Variants in ENTHD1 observed in about 807,000 individuals in gnomAD.
The protein encoded by ENTHD1 is ENTH domain containing 1.
In ENTHD1, 23 loss-of-function variants were observed where a neutral mutation model predicts 39.1. The observed-to-expected ratio is 0.59, with a 90% CI of 0.42 to 0.83. The LOEUF is 0.83. Ranked by LOEUF, ENTHD1 falls within the 40% of genes least tolerant of loss-of-function variation. The probability of loss-of-function intolerance (pLI) is 0.00; values close to 1 mark genes in which losing one functional copy is unlikely to be tolerated. For synonymous variants in ENTHD1, 230 were observed against 258.2 expected (o/e 0.89, Z 1.05); for missense variants, 624 against 705.4 (o/e 0.88, Z 1.31).
chr22:39,842,508 C>A (rs1446672881), intron 3 of ENTHD1, among the ~76,000 whole-genome samples: 1 of 152,168 alleles, frequency 6.6e-6, no homozygotes, highest in Non-Finnish European at 1.5e-5. Flanking sequence ...TGCTGATACC[C>A]TTTCTTCCAG....
At chr22:39,817,221 G>A (rs1398391829) in intron 5 of ENTHD1, among the ~76,000 whole-genome samples, 1 of 152,092 alleles carries the variant, frequency 6.6e-6, no homozygotes, top group African/African-American at 2.4e-5. Context: ...CGATGAAAAT[G>A]GGCACAAATT....
At chr22:39,815,218 G>C (rs918363441) in intron 5 of ENTHD1, among the ~76,000 whole-genome samples, 1 of 152,128 alleles carries the variant, frequency 6.6e-6, no homozygotes, top group African/African-American at 2.4e-5. Context: ...TGAGGTGGGT[G>C]GATCACCTGA....
intron 4 of ENTHD1, 99 bp downstream of exon 4, chr22:39,835,741 G>T: frequency 1.3e-6 from 1 of 772,716 alleles, no homozygotes. Flanking sequence ...TGAGCCCTGG[G>T]TCAGGCTTCT....
intron 2 of ENTHD1, among the ~76,000 whole-genome samples, chr22:39,877,072 C>T (rs934261438): frequency 3.3e-5 from 5 of 152,148 alleles, no homozygotes; most frequent in African/African-American, 7.2e-5. Context: ...AGATTCAGGA[C>T]GATCACTTGG....
chr22:39,748,366 C>T (rs1192899329), intron 6 of ENTHD1, among the ~76,000 whole-genome samples: 1 of 150,844 alleles, frequency 6.6e-6, no homozygotes, highest in Non-Finnish European at 1.5e-5. Context: ...TAATAAGAAA[C>T]ATTTTAAGTA....
intron 6 of ENTHD1, among the ~76,000 whole-genome samples, chr22:39,744,561 A>G (rs1391147142): frequency 6.6e-6 from 1 of 152,206 alleles, no homozygotes; most frequent in Non-Finnish European, 1.5e-5. Context: ...AACCCTGCCC[A>G]ACATATTTTT....
At chr22:39,765,667 C>A (rs2065270919) in intron 5 of ENTHD1, 58 bp from the exon 6 acceptor site, 1 of 1,434,964 alleles carries the variant, frequency 7.0e-7, no homozygotes, top group South Asian at 1.4e-5. Context: ...TACTCTATTT[C>A]AAATCTGTTA....
chr22:39,861,926 G>C lies in ENTHD1; in HGVS notation c.431C>G (p.Ala144Gly), dbSNP rs755714105. ...GGAGGTACGCTGTCTAGTCCGACAT[G>C]CCACTTCCCTCTCTTTACACAGCAA... ...EPLLCKEREV[A>G]CRTRQRTSHS... Residue 144 changes from alanine (A) to glycine (G), a missense_variant, in exon 3 of 7, where the codon GCA becomes GGA. Ala to Gly is a moderately conservative substitution (Grantham distance 60). Transcript: ENST00000325157. The C allele has an allele frequency of 2.0e-5, 32 of 1,599,084 alleles. No individual in the cohort carries two copies. The highest frequency in any genetic ancestry group is 2.6e-5 in the Non-Finnish European group (31 of 1,170,048).
chr22:39,765,176 T>TTGTG lies in ENTHD1; in HGVS notation c.1219+43_1219+46dup, dbSNP rs71326782. 7,562 of 1,400,508 alleles carry TTGTG rather than the reference T, an allele frequency of 5.4e-3. 36 individuals are homozygous for TTGTG. Among genetic ancestry groups the TTGTG allele is most frequent in the African/African-American group, 0.029 (1,945 of 67,260 alleles). The allele number at this position is 1,400,508 out of a possible 1,614,324, so 86.8% of individuals were successfully genotyped here. ...ATAATGCTTCAAAAGAGGTTTTTTG[T>TTGTG]TGTGTGTGTGTGTGTGTGTGTGTGT... On this transcript the variant is annotated intron_variant, in intron 6 of 6. Coordinates refer to ENST00000325157, the MANE Select transcript of ENTHD1 (RefSeq NM_152512.4).
At chr22:39,875,935 T>A in intron 2 of ENTHD1, 9 of 1,613,934 alleles carry the variant, frequency 5.6e-6, no homozygotes, top group Non-Finnish European at 7.6e-6. Context: ...TCCTGATAGG[T>A]GTTTGCACTC....
chr22:39,759,319 T>C (rs748888965), intron 6 of ENTHD1, among the ~76,000 whole-genome samples: 1 of 152,140 alleles, frequency 6.6e-6, no homozygotes, highest in African/African-American at 2.4e-5. Flanking sequence ...CCCAGCTTAT[T>C]TGACGAACAC....
Position 39,840,961 on chromosome 22 carries a change from C to T in ENTHD1, c.593-5003G>A, listed in dbSNP as rs372704861. On this transcript the variant is annotated intron_variant, in intron 3 of 6. Transcript: ENST00000325157. Reference sequence around the variant, plus strand: ...TAGAGACAGGGTTTCACCGTGGTCTCGATCTGCTGTCCTCGTGATCCACCC... The same window carrying T: ...TAGAGACAGGGTTTCACCGTGGTCTTGATCTGCTGTCCTCGTGATCCACCC... Among the ~76,000 whole-genome samples, 69 of 152,228 alleles carry T rather than the reference C, an allele frequency of 4.5e-4. No individual in the cohort carries two copies. The East Asian group carries it at 0.012, about 27-fold the overall frequency.
chr22:39,855,597 A>T (rs1448476290), intron 3 of ENTHD1, among the ~76,000 whole-genome samples: 3 of 152,026 alleles, frequency 2.0e-5, no homozygotes, highest in Non-Finnish European at 2.9e-5. Flanking sequence ...GTTAAAAAAA[A>T]AAAAAAGAAG....
intron 2 of ENTHD1, among the ~76,000 whole-genome samples, chr22:39,873,525 G>T (rs953507630): frequency 1.3e-5 from 2 of 152,120 alleles, no homozygotes; most frequent in African/African-American, 4.8e-5. Flanking sequence ...ATATTATTTA[G>T]ATGAGTTCTA....
At chr22:39,758,951 A>G (rs2065207921) in intron 6 of ENTHD1, among the ~76,000 whole-genome samples, 1 of 151,120 alleles carries the variant, frequency 6.6e-6, no homozygotes, top group African/African-American at 2.5e-5. Flanking sequence ...TAATTCGGGG[A>G]AAAATCCCAC....
At chr22:39,876,963 G>T (rs2066295454) in intron 2 of ENTHD1, among the ~76,000 whole-genome samples, 1 of 152,282 alleles carries the variant, frequency 6.6e-6, no homozygotes, top group South Asian at 2.1e-4. Flanking sequence ...TCAGAGTTTT[G>T]CAAGGGATAA....
chr22:39,879,713 T>G lies in ENTHD1; in HGVS notation c.349+7687A>C, dbSNP rs114170660. Among the ~76,000 whole-genome samples the G allele has an allele frequency of 4.1e-3, 617 of 152,246 alleles. 4 individuals carry two copies. Among genetic ancestry groups the G allele is most frequent in the African/African-American group, 0.014 (593 of 41,538 alleles). ...GGGGCTGCCACTTTAAAAGACAGTT[T>G]GGCAGTTTCTTATAAAACTAAACAC... On this transcript the variant is annotated intron_variant, in intron 2 of 6. Coordinates refer to ENST00000325157, the MANE Select transcript of ENTHD1 (RefSeq NM_152512.4).
chr22:39,861,726 A>G, intron 3 of ENTHD1, 39 bp downstream of exon 3: 1 of 1,390,046 alleles, frequency 7.2e-7, no homozygotes, highest in African/African-American at 1.4e-5. Flanking sequence ...ATTTTTAATG[A>G]TACCTGTTGC....
chr22:39,855,332 C>G (rs2066076197), intron 3 of ENTHD1, among the ~76,000 whole-genome samples: 1 of 152,158 alleles, frequency 6.6e-6, no homozygotes, highest in Non-Finnish European at 1.5e-5. Flanking sequence ...CTATCTACCC[C>G]TACTGTTTTA....
Sources: gnomAD v4.1 joint callset for allele counts (sites outside exome capture counted in the v4.1 genomes callset) on GRCh38, gnomAD v4.1.1 for gene constraint, MANE v1.5 for transcripts, NCBI Gene and HGNC (gene_info 2026-07-23, HGNC 2026-07-21) for gene names.